The following CADPS2 variants were observed in gnomAD, a reference collection of about 807,000 sequenced individuals.
CADPS2 encodes calcium dependent secretion activator 2.
CADPS2 carries 93 observed loss-of-function variants against 172.5 expected under a neutral mutation model. The ratio of observed to expected loss-of-function variants is 0.54; its 90% confidence interval spans 0.46 to 0.64. The LOEUF (loss-of-function observed/expected upper bound fraction) is 0.64, where lower values mean the gene tolerates loss of function less well. Ranked by LOEUF, CADPS2 falls within the 30% of genes least tolerant of loss-of-function variation. The pLI is 0.00. For missense variants in CADPS2, 1,420 were observed against 1,565.9 expected (o/e 0.91, Z 1.57); for synonymous variants, 546 against 555.2 (o/e 0.98, Z 0.23).
intron 3 of CADPS2, among the ~76,000 whole-genome samples, chr7:122,660,130 A>G (rs1238009564): frequency 1.3e-5 from 2 of 152,166 alleles, no homozygotes; most frequent in African/African-American, 4.8e-5. Context: ...CTTATTTTTA[A>G]TTGAGCTAAA....
chr7:122,347,549 AATAACT>A (rs1189549771), intron 27 of CADPS2, among the ~76,000 whole-genome samples: 1 of 152,178 alleles, frequency 6.6e-6, no homozygotes, highest in African/African-American at 2.4e-5. Context: ...TGTAACTTGA[AATAACT>A]ATATAAATGT....
At chr7:122,731,780 T>C (rs2091670729) in intron 2 of CADPS2, among the ~76,000 whole-genome samples, 1 of 151,726 alleles carries the variant, frequency 6.6e-6, no homozygotes. Context: ...TTTTATTAAG[T>C]AGTTAGGTAT....
chr7:122,667,040 T>C (rs2081263684), intron 2 of CADPS2, among the ~76,000 whole-genome samples: 1 of 152,192 alleles, frequency 6.6e-6, no homozygotes, highest in Non-Finnish European at 1.5e-5. Flanking sequence ...TCTTTAGAGT[T>C]TTCTTTACCC....
chr7:122,732,790 A>ATG (rs2091784779), intron 2 of CADPS2, among the ~76,000 whole-genome samples: 1 of 142,704 alleles, frequency 7.0e-6, no homozygotes, highest in African/African-American at 2.6e-5. Flanking sequence ...TATATAATAT[A>ATG]TATACATTAT....
intron 7 of CADPS2, among the ~76,000 whole-genome samples, chr7:122,555,891 A>T (rs2132043320): frequency 6.6e-6 from 1 of 152,202 alleles, no homozygotes; most frequent in East Asian, 1.9e-4. Flanking sequence ...TTGCAGTATA[A>T]GCAGAAATCT....
At chr7:122,328,773 T>C (rs2034396437) in intron 28 of CADPS2, among the ~76,000 whole-genome samples, 1 of 152,166 alleles carries the variant, frequency 6.6e-6, no homozygotes, top group African/African-American at 2.4e-5. Flanking sequence ...ACCCCTGTAT[T>C]TATTCACACT....
At chr7:122,404,142 C>G (rs1304436590) in intron 20 of CADPS2, among the ~76,000 whole-genome samples, 2 of 152,052 alleles carry the variant, frequency 1.3e-5, no homozygotes, top group East Asian at 1.9e-4. Flanking sequence ...TCCCTCCCCC[C>G]TCTCCCCACC....
intron 8 of CADPS2, among the ~76,000 whole-genome samples, chr7:122,544,744 C>T (rs2063450792): frequency 2.0e-5 from 3 of 152,178 alleles, no homozygotes; most frequent in African/African-American, 7.2e-5. Context: ...GCTTCTGTCT[C>T]AGGGACCAAA....
chr7:122,700,161 T>C (rs1432256506), intron 2 of CADPS2, among the ~76,000 whole-genome samples: 1 of 152,148 alleles, frequency 6.6e-6, no homozygotes, highest in East Asian at 1.9e-4. Flanking sequence ...GTGGGTTTTT[T>C]CCCACCAGCT....
At position 122,585,987 on chromosome 7, in the gene CADPS2, T is replaced by G. The variant is rs534595976; in HGVS notation, c.1224-4697A>C. ...AAAAGAGTCTAAGCAGAAACATTCA[T>G]GACAGCATTATGTATAACAGTAAAC... On this transcript the variant is annotated intron_variant, in intron 6 of 29. Transcript: ENST00000449022. Among the ~76,000 whole-genome samples the G allele has an allele frequency of 1.1e-4, 16 of 152,104 alleles. No homozygotes were observed. The East Asian group carries it at 3.1e-3, about 29-fold the overall frequency.
chr7:122,701,934 T>G, intron 2 of CADPS2: 1 of 1,613,696 alleles, frequency 6.2e-7, no homozygotes, highest in South Asian at 1.1e-5. Flanking sequence ...CAAGTTAAAA[T>G]GCGTACTACA....
intron 2 of CADPS2, among the ~76,000 whole-genome samples, chr7:122,667,470 C>G (rs777270286): frequency 9.2e-5 from 14 of 152,114 alleles, no homozygotes; most frequent in Non-Finnish European, 1.6e-4. Context: ...TGAAGCCATA[C>G]TCAATCCAAT....
chr7:122,367,548 T>G (rs868706544), intron 25 of CADPS2, among the ~76,000 whole-genome samples: 17,874 of 140,618 alleles, frequency 0.13, 1,559 homozygotes, highest in Non-Finnish European at 0.19. Flanking sequence ...AGTTTTTTTT[T>G]TTTTTTTTTT....
At chr7:122,867,618 A>G (rs1266735807) in intron 1 of CADPS2, among the ~76,000 whole-genome samples, 1 of 152,188 alleles carries the variant, frequency 6.6e-6, no homozygotes, top group African/African-American at 2.4e-5. Flanking sequence ...AAGCACAAAG[A>G]ACAAAGGGAG....
intron 8 of CADPS2, among the ~76,000 whole-genome samples, chr7:122,541,618 TC>T (rs1020122593): frequency 3.4e-5 from 5 of 146,046 alleles, no homozygotes; most frequent in African/African-American, 7.4e-5. Flanking sequence ...TTCACATATA[TC>T]CATATATATT....
At chr7:122,715,051 C>A (rs1363765317) in intron 2 of CADPS2, among the ~76,000 whole-genome samples, 2 of 152,116 alleles carry the variant, frequency 1.3e-5, no homozygotes, top group African/African-American at 2.4e-5. Context: ...CTTCTGGCCT[C>A]CACAACTGTG....
chr7:122,395,653 A>G (rs2044993125), intron 20 of CADPS2: 1 of 152,156 alleles, frequency 6.6e-6, no homozygotes, highest in African/African-American at 2.4e-5. Context: ...AAATATACTG[A>G]TATCTGAATT....
intron 28 of CADPS2, among the ~76,000 whole-genome samples, chr7:122,333,522 G>A (rs542022426): frequency 1.7e-4 from 26 of 152,174 alleles, no homozygotes; most frequent in Middle Eastern, 6.8e-3. Flanking sequence ...CTATACCTTC[G>A]GTCTCTGGGC....
intron 9 of CADPS2, among the ~76,000 whole-genome samples, chr7:122,492,246 T>A (rs961865839): frequency 1.3e-5 from 2 of 152,002 alleles, no homozygotes; most frequent in Non-Finnish European, 2.9e-5. Context: ...CACTAAAAGT[T>A]GAGAATTTAG....
Sources: gnomAD v4.1 joint callset for allele counts (sites outside exome capture counted in the v4.1 genomes callset) on GRCh38, gnomAD v4.1.1 for gene constraint, MANE v1.5 for transcripts, NCBI Gene and HGNC (gene_info 2026-07-23, HGNC 2026-07-21) for gene names.